TFDP2: variants seen among roughly 807,000 people sequenced by gnomAD.
TFDP2 encodes the protein transcription factor Dp-2 (E2F dimerization partner 2).
In TFDP2, 17 loss-of-function variants were observed where a neutral mutation model predicts 59.3. The ratio of observed to expected loss-of-function variants is 0.29; its 90% CI spans 0.20 to 0.43. The LOEUF (loss-of-function observed/expected upper bound fraction) is 0.43, where lower values mean the gene tolerates loss of function less well. TFDP2 is among the 20% of genes least tolerant of loss of function. The probability of loss-of-function intolerance (pLI) is 1.00; values close to 1 mark genes in which losing one functional copy is unlikely to be tolerated. For missense variants in TFDP2, 391 were observed against 528.8 expected (o/e 0.74, Z 2.56); for synonymous variants, 180 against 194.7 (o/e 0.92, Z 0.63).
chr3:142,140,654 G>A (rs1439442589), intron 1 of TFDP2, among the ~76,000 whole-genome samples: 1 of 152,198 alleles, frequency 6.6e-6, no homozygotes, highest in African/African-American at 2.4e-5. Context: ...TTTGCTGGAG[G>A]TCCACTCCAG....
intron 3 of TFDP2, among the ~76,000 whole-genome samples, chr3:142,087,367 T>C (rs1481310866): frequency 1.3e-5 from 2 of 150,534 alleles, no homozygotes; most frequent in African/African-American, 5.0e-5. Flanking sequence ...TACCTAAACA[T>C]AGCTAAACAT....
chr3:142,027,396 C>A (rs1182233552), intron 3 of TFDP2, among the ~76,000 whole-genome samples: 2 of 152,184 alleles, frequency 1.3e-5, no homozygotes, highest in Non-Finnish European at 2.9e-5. Context: ...GAAACAACCT[C>A]AATTGTAACA....
chr3:141,971,501 G>A (rs545120640), intron 8 of TFDP2, among the ~76,000 whole-genome samples: 3 of 151,694 alleles, frequency 2.0e-5, no homozygotes, highest in African/African-American at 7.3e-5. Context: ...GTGAGCCGAA[G>A]ATTGCGCCAC....
At chr3:142,020,107 A>G (rs1453560911) in intron 3 of TFDP2, among the ~76,000 whole-genome samples, 1 of 152,248 alleles carries the variant, frequency 6.6e-6, no homozygotes, top group Non-Finnish European at 1.5e-5. Context: ...GCAAAGAGAA[A>G]TGATTTCACA....
chr3:141,968,358 TATATCTC>T (rs1474877006), intron 9 of TFDP2, among the ~76,000 whole-genome samples: 3,451 of 117,314 alleles, frequency 0.029, 256 homozygotes, highest in Non-Finnish European at 0.046. Flanking sequence ...ATATATAACA[TATATCTC>T]ATATATAACA....
intron 3 of TFDP2, chr3:142,044,236 T>G (rs1012716577): frequency 2.0e-4 from 47 of 239,714 alleles, no homozygotes; most frequent in South Asian, 2.6e-4. Context: ...GTTTTTTTTT[T>G]TTTTTTTTTT....
At chr3:142,057,201 C>T (rs1358620845) in intron 3 of TFDP2, among the ~76,000 whole-genome samples, 2 of 152,252 alleles carry the variant, frequency 1.3e-5, no homozygotes, top group Admixed American at 6.5e-5. Context: ...TGGCACACTT[C>T]CATGGCCACC....
rs181951710 is a variant in TFDP2 at position 142,101,497 on chromosome 3, T to G, written c.15+238A>C. ...GTGGGAAACCTTCTGGAGATAGCAA[T>G]TTGCAGCTGTTGAGAAGTAACTTGG... On this transcript the variant is annotated intron_variant, in intron 2 of 12. Coordinates refer to ENST00000489671, the MANE Select transcript of TFDP2 (RefSeq NM_001178139.2). Among the ~76,000 whole-genome samples, 45 of 152,330 alleles carry G rather than the reference T, an allele frequency of 3.0e-4. No homozygotes were observed. In the East Asian group the frequency reaches 8.7e-3, roughly 29 times the overall value.
At position 141,984,958 on chromosome 3, in the gene TFDP2, C is replaced by T. The variant is rs35305564; in HGVS notation, c.357-6276G>A. 8.3e-3 allele frequency among the ~76,000 whole-genome samples: 1,263 copies of T among 151,848 alleles called. 7 individuals are homozygous for T. Among genetic ancestry groups the T allele is most frequent in the Non-Finnish European group, 0.014 (970 of 67,970 alleles). On this transcript the variant is annotated intron_variant, in intron 6 of 12. Transcript: ENST00000489671. ...TTTTTTTACATTGCTCCTTGTGGAG[C>T]AGGACTACCCCATAGGCAACGTGCC...
chr3:142,050,263 C>CAA (rs1225917255), intron 3 of TFDP2, among the ~76,000 whole-genome samples: 6 of 105,474 alleles, frequency 5.7e-5, no homozygotes, highest in Admixed American at 9.9e-5. Flanking sequence ...GACTTCATCT[C>CAA]AAAAAAAAAA....
chr3:142,115,584 C>T (rs1163077763), intron 1 of TFDP2, among the ~76,000 whole-genome samples: 1 of 152,206 alleles, frequency 6.6e-6, no homozygotes, highest in Non-Finnish European at 1.5e-5. Flanking sequence ...TCCCAAAGTA[C>T]TGGGATTACA....
intron 6 of TFDP2, among the ~76,000 whole-genome samples, chr3:141,980,599 G>C (rs143146043): frequency 6.6e-6 from 1 of 152,086 alleles, no homozygotes; most frequent in Non-Finnish European, 1.5e-5. Context: ...CTGGAGTGCA[G>C]TGGTATGATC....
At chr3:142,014,312 TTTTTTA>T (rs1944955524) in intron 3 of TFDP2, among the ~76,000 whole-genome samples, 1 of 152,102 alleles carries the variant, frequency 6.6e-6, no homozygotes, top group Non-Finnish European at 1.5e-5. Context: ...CCAGGTATTT[TTTTTTA>T]TTTTTATTTT....
At chr3:141,977,135 A>G (rs2108048843) in intron 7 of TFDP2, among the ~76,000 whole-genome samples, 1 of 114,344 alleles carries the variant, frequency 8.7e-6, no homozygotes, top group African/African-American at 3.3e-5. Context: ...TTTTCCCCCC[A>G]AAGAGACGAA....
chr3:142,093,901 T>A, intron 2 of TFDP2: 1 of 475,524 alleles, frequency 2.1e-6, no homozygotes, highest in Non-Finnish European at 4.2e-6. Flanking sequence ...ATAATTCATG[T>A]AAAGCATATA....
chr3:142,024,710 C>T (rs1022068211), intron 3 of TFDP2, among the ~76,000 whole-genome samples: 1 of 152,102 alleles, frequency 6.6e-6, no homozygotes. Flanking sequence ...AGTCTTCTTT[C>T]AGTATACATT....
chr3:142,015,411 A>T (rs1160321847), intron 3 of TFDP2, among the ~76,000 whole-genome samples: 2 of 152,174 alleles, frequency 1.3e-5, no homozygotes, highest in African/African-American at 4.8e-5. Context: ...CCCCCACCCC[A>T]TCCAGAAATC....
chr3:141,987,292 TGTG>T (rs757131086), intron 6 of TFDP2, among the ~76,000 whole-genome samples: 6,531 of 151,386 alleles, frequency 0.043, 177 homozygotes, highest in Middle Eastern at 0.086. Flanking sequence ...TGTGTGTGTG[TGTG>T]TGTTTTAGCC....
In TFDP2 at chr3:141,963,800, T is replaced by G. The variant is rs754365029; in HGVS notation, c.884+12A>C. ...AGGCCAGCCCTGCACCCATCCCTAG[T>G]TCTCCACTCACTTGTCACTGGAGAT... On this transcript the variant is annotated intron_variant, in intron 10 of 12. Coordinates refer to ENST00000489671, the MANE Select transcript of TFDP2 (RefSeq NM_001178139.2). The G allele has an allele frequency of 1.8e-5, 29 of 1,609,466 alleles. No individual in the cohort carries two copies. Among genetic ancestry groups the G allele is most frequent in the Admixed American group, 1.2e-4 (7 of 58,912 alleles).
Sources: allele counts gnomAD v4.1 joint callset (sites outside exome capture counted in the v4.1 genomes callset), GRCh38; gene constraint gnomAD v4.1.1; transcripts MANE v1.5; gene names NCBI Gene and HGNC (gene_info 2026-07-23, HGNC 2026-07-21).